The following MCTP1 variants were observed in gnomAD, a reference collection of about 807,000 sequenced individuals.
MCTP1 encodes multiple C2 and transmembrane domain-containing protein 1.
Under a neutral mutation model 120.6 loss-of-function variants are expected in MCTP1, and 69 were observed. That is an observed-to-expected ratio of 0.57 (90% CI 0.47 to 0.70). The LOEUF is 0.70. Ranked by LOEUF, MCTP1 falls within the 30% of genes least tolerant of loss-of-function variation. The pLI is 0.00. For missense variants in MCTP1, 1,203 were observed against 1,248.8 expected (o/e 0.96, Z 0.55); for synonymous variants, 529 against 493.1 (o/e 1.07, Z -0.96).
At chr5:95,266,843 C>G (rs1002983093) in intron 1 of MCTP1, among the ~76,000 whole-genome samples, 1 of 152,158 alleles carries the variant, frequency 6.6e-6, no homozygotes, top group African/African-American at 2.4e-5. Flanking sequence ...GAATCCATAC[C>G]CTGAGCGTTC....
chr5:95,243,108 T>C (rs770847590), intron 1 of MCTP1, among the ~76,000 whole-genome samples: 2 of 152,164 alleles, frequency 1.3e-5, no homozygotes, highest in African/African-American at 2.4e-5. Flanking sequence ...AAATTTGGCT[T>C]TGTTAGACAT....
intron 1 of MCTP1, among the ~76,000 whole-genome samples, chr5:95,225,232 C>T (rs1754126757): frequency 6.6e-6 from 1 of 152,154 alleles, no homozygotes; most frequent in Admixed American, 6.5e-5. Flanking sequence ...CCTGACAGCC[C>T]ACTTACTGGC....
intron 17 of MCTP1, among the ~76,000 whole-genome samples, chr5:94,829,408 T>C (rs1438555941): frequency 6.6e-6 from 1 of 152,226 alleles, no homozygotes; most frequent in Non-Finnish European, 1.5e-5. Context: ...CAGCTGTTCC[T>C]ATTCGGCCAT....
In MCTP1 at chr5:94,703,925, G is replaced by T. The variant is rs1237019142; in HGVS notation, c.*3571C>A. On this transcript the variant is annotated 3_prime_UTR_variant, in exon 23 of 23. Coordinates refer to ENST00000515393, the MANE Select transcript of MCTP1 (RefSeq NM_024717.7). Reference sequence around the variant, plus strand: ...CAGCTGAAGTAAATCTTATGTGACTGCCTCTATTCAAATTGCCACTATATA... The same window carrying T: ...CAGCTGAAGTAAATCTTATGTGACTTCCTCTATTCAAATTGCCACTATATA... The T allele has an allele frequency of 6.7e-6, 1 of 150,154 alleles. No individual in the cohort carries two copies. Among genetic ancestry groups the T allele is most frequent in the Non-Finnish European group, 1.5e-5 (1 of 67,456 alleles). 9.3% of individuals were successfully genotyped at this position (150,154 alleles called of 1,614,324 possible).
At chr5:94,940,346 A>G (rs1003378412) in intron 4 of MCTP1, 151 bp from the exon 5 acceptor site, 2 of 515,414 alleles carry the variant, frequency 3.9e-6, no homozygotes, top group Non-Finnish European at 6.8e-6. Context: ...TTATCAGTGT[A>G]TTAAGTTATC....
chr5:95,140,177 C>T (rs144039354), intron 1 of MCTP1, among the ~76,000 whole-genome samples: 243 of 152,316 alleles, frequency 1.6e-3, no homozygotes, highest in African/African-American at 5.7e-3. Context: ...TAATCATTCA[C>T]TCTCTCTTCA....
At chr5:94,993,399 T>C (rs1170615610) in intron 2 of MCTP1, among the ~76,000 whole-genome samples, 3 of 152,190 alleles carry the variant, frequency 2.0e-5, no homozygotes, top group African/African-American at 7.2e-5. Context: ...ACATAATAAA[T>C]GATGAACTCA....
At chr5:94,851,701 T>C (rs942297089) in intron 17 of MCTP1, among the ~76,000 whole-genome samples, 1 of 151,988 alleles carries the variant, frequency 6.6e-6, no homozygotes, top group Non-Finnish European at 1.5e-5. Context: ...AGGTCACACA[T>C]AACAAAATCG....
chr5:94,854,969 C>A lies in MCTP1; in HGVS notation c.2436+13364G>T, dbSNP rs531125785. 1.2e-4 allele frequency among the ~76,000 whole-genome samples: 18 copies of A among 151,876 alleles called. No individual in the cohort carries two copies. The South Asian group carries it at 3.7e-3, about 32-fold the overall frequency. ...GGATGGGGCAGTCTCCATGTCAAAG[C>A]CTACCTAGTAACTTTCAGGAGATGG... On this transcript the variant is annotated intron_variant, in intron 17 of 22. Transcript: ENST00000515393.
chr5:94,869,015 A>T (rs1797352540), intron 16 of MCTP1, among the ~76,000 whole-genome samples: 1 of 151,912 alleles, frequency 6.6e-6, no homozygotes, highest in South Asian at 2.1e-4. Flanking sequence ...CAATAAATTT[A>T]ACCTATATTT....
At chr5:94,773,292 G>A (rs1774510330) in intron 19 of MCTP1, among the ~76,000 whole-genome samples, 1 of 152,162 alleles carries the variant, frequency 6.6e-6, no homozygotes, top group Admixed American at 6.5e-5. Flanking sequence ...GGCATGAGAT[G>A]TTCCTATAAT....
At chr5:95,195,961 G>A (rs568592891) in intron 1 of MCTP1, among the ~76,000 whole-genome samples, 1 of 152,232 alleles carries the variant, frequency 6.6e-6, no homozygotes, top group African/African-American at 2.4e-5. Context: ...ATTGCATTCT[G>A]AAGATGCTCA....
intron 2 of MCTP1, among the ~76,000 whole-genome samples, chr5:95,012,823 G>A (rs984479667): frequency 2.0e-5 from 3 of 151,994 alleles, no homozygotes; most frequent in South Asian, 2.1e-4. Flanking sequence ...CAACATTACC[G>A]AAATTAGGCC....
At chr5:94,760,478 A>G (rs1296687260) in intron 19 of MCTP1, among the ~76,000 whole-genome samples, 2 of 152,202 alleles carry the variant, frequency 1.3e-5, no homozygotes, top group Non-Finnish European at 1.5e-5. Context: ...TAGAATCACA[A>G]AGAGAATACA....
intron 1 of MCTP1, among the ~76,000 whole-genome samples, chr5:95,036,239 C>G (rs1404192550): frequency 6.6e-6 from 1 of 152,130 alleles, no homozygotes; most frequent in East Asian, 1.9e-4. Flanking sequence ...AGATCAAGAC[C>G]AGTCGTATTT....
chr5:95,038,029 T>C (rs891611981), intron 1 of MCTP1: 2 of 543,074 alleles, frequency 3.7e-6, no homozygotes, highest in African/African-American at 4.1e-5. Flanking sequence ...CATGTCAATG[T>C]GCCATTCTCA....
In MCTP1 at chr5:94,869,962, G is replaced by A. The variant is rs1309300345; in HGVS notation, c.2316+455C>T. Among the ~76,000 whole-genome samples, 8 of 152,104 alleles carry A rather than the reference G, an allele frequency of 5.3e-5. No homozygotes were observed. In the South Asian group the frequency reaches 6.2e-4, roughly 12 times the overall value. ...TTCCCTTAGAAGATGGAGCCTCCTCGCATCTGGATTAGAGGGAAGAGCTTA... is the reference window on the plus strand; with the variant it reads ...TTCCCTTAGAAGATGGAGCCTCCTCACATCTGGATTAGAGGGAAGAGCTTA... On this transcript the variant is annotated intron_variant, in intron 16 of 22. Coordinates refer to ENST00000515393, the MANE Select transcript of MCTP1 (RefSeq NM_024717.7).
intron 19 of MCTP1, among the ~76,000 whole-genome samples, chr5:94,716,093 T>A (rs1759159773): frequency 6.6e-6 from 1 of 152,196 alleles, no homozygotes; most frequent in South Asian, 2.1e-4. Flanking sequence ...GTGTGCCTCC[T>A]CCAAGGACAA....
In MCTP1 at chr5:95,221,341, C is replaced by T. The variant is rs1262054608; in HGVS notation, c.720+62515G>A. Reference sequence around the variant, plus strand: ...GTATTCCAAGTAAACCTGTTTCATCCTAAGCATTTTCATAAGCCTAAATTT... The same window carrying T: ...GTATTCCAAGTAAACCTGTTTCATCTTAAGCATTTTCATAAGCCTAAATTT... On this transcript the variant is annotated intron_variant, in intron 1 of 22. Transcript: ENST00000515393. 2.6e-5 allele frequency among the ~76,000 whole-genome samples: 4 copies of T among 152,182 alleles called. No individual in the cohort carries two copies. In the East Asian group the frequency reaches 7.7e-4, roughly 29 times the overall value.
Sources: gnomAD v4.1 joint callset for allele counts (sites outside exome capture counted in the v4.1 genomes callset) on GRCh38, gnomAD v4.1.1 for gene constraint, MANE v1.5 for transcripts, NCBI Gene and HGNC (gene_info 2026-07-23, HGNC 2026-07-21) for gene names.